DARS1: variants seen among roughly 807,000 people sequenced by gnomAD.
The protein encoded by DARS1 is aspartate--tRNA ligase, cytoplasmic.
Under a neutral mutation model 68.8 loss-of-function variants are expected in DARS1, and 51 were observed. The observed-to-expected ratio is 0.74, with a 90% CI of 0.59 to 0.94. DARS1 has a LOEUF of 0.94. DARS1 is among the 40% of genes least tolerant of loss of function. The pLI, the probability that DARS1 is intolerant of heterozygous loss-of-function variation, is 0.00. For missense variants in DARS1, 607 were observed against 597.3 expected, an observed-to-expected ratio of 1.02 and a Z score of -0.17; for synonymous variants, 203 against 190.4, an observed-to-expected ratio of 1.07 and a Z score of -0.55.
chr2:135,927,223 A>G (rs1250391985), intron 7 of DARS1, among the ~76,000 whole-genome samples: 1 of 152,246 alleles, frequency 6.6e-6, no homozygotes, highest in African/African-American at 2.4e-5. Context: ...GTAAGATTAC[A>G]GAATGTATAT....
At chr2:135,915,219 G>C (rs1680979446) in intron 11 of DARS1, among the ~76,000 whole-genome samples, 1 of 152,168 alleles carries the variant, frequency 6.6e-6, no homozygotes, top group South Asian at 2.1e-4. Context: ...TATTGTGATG[G>C]TTTAAAGGAA....
chr2:135,935,668 G>A (rs1681453513), intron 5 of DARS1, among the ~76,000 whole-genome samples: 1 of 152,108 alleles, frequency 6.6e-6, no homozygotes, highest in Non-Finnish European at 1.5e-5. Context: ...ACATTTTAGT[G>A]ATAAAAAGCA....
chr2:135,906,404 T>TAG lies in DARS1; in HGVS notation c.*911_*912insCT, dbSNP rs1436615328. Reference sequence around the variant, plus strand: ...AAGATGGGACTGGATTTTACTGACATTCACTAAGTATCAGTACCATTCCAG... The same window carrying TAG: ...AAGATGGGACTGGATTTTACTGACATAGTCACTAAGTATCAGTACCATTCCAG... On this transcript the variant is annotated 3_prime_UTR_variant, in exon 16 of 16. Transcript: ENST00000264161. 2.0e-5 allele frequency among the ~76,000 whole-genome samples: 3 copies of TAG among 152,234 alleles called. No homozygotes were observed. In the South Asian group the frequency reaches 6.2e-4, roughly 32 times the overall value.
intron 3 of DARS1, among the ~76,000 whole-genome samples, chr2:135,976,945 A>G (rs1179502937): frequency 6.6e-6 from 1 of 152,192 alleles, no homozygotes; most frequent in Non-Finnish European, 1.5e-5. Context: ...CAAGACCCAG[A>G]AGACAATGCT....
chr2:135,907,261 T>TTTTTTTTTTTTTTTGG lies in DARS1; in HGVS notation c.*54_*55insCCAAAAAAAAAAAAAA. 2.7e-5 allele frequency: 24 copies of TTTTTTTTTTTTTTTGG among 889,222 alleles called. No homozygotes were observed. Among genetic ancestry groups the TTTTTTTTTTTTTTTGG allele is most frequent in the East Asian group, 6.2e-5 (2 of 32,214 alleles). 55.1% of individuals were successfully genotyped at this position (889,222 alleles called of 1,614,324 possible). ...GGCTTTCTTTTTTTTTTTTTTTTTT[T>TTTTTTTTTTTTTTTGG]GAGGCAGGGTCTCGCTCTGTCATCC... On this transcript the variant is annotated 3_prime_UTR_variant, in exon 16 of 16. Transcript: ENST00000264161.
rs187076025 is a variant in DARS1, at chr2:135,923,872, C to T, written c.676+515G>A. Among the ~76,000 whole-genome samples, 41 of 152,122 alleles carry T rather than the reference C, an allele frequency of 2.7e-4. No individual in the cohort carries two copies. The East Asian group carries it at 6.8e-3, about 25-fold the overall frequency. On this transcript the variant is annotated intron_variant, in intron 8 of 15. Transcript: ENST00000264161. ...GTATCTACTAAACATACAAAATTGG[C>T]TCGGCGTGGTGGTGCATGCTTGTAA...
intron 4 of DARS1, among the ~76,000 whole-genome samples, chr2:135,953,192 T>C (rs1681881661): frequency 2.1e-5 from 3 of 145,124 alleles, no homozygotes; most frequent in African/African-American, 7.6e-5. Flanking sequence ...AGGACACCCA[T>C]ACCTAAATGT....
chr2:135,959,960 A>G (rs1160739907), intron 4 of DARS1, among the ~76,000 whole-genome samples: 1 of 152,186 alleles, frequency 6.6e-6, no homozygotes, highest in African/African-American at 2.4e-5. Context: ...AATAGAATTT[A>G]GCATCTATGT....
At chr2:135,945,177 G>T (rs773028655) in intron 4 of DARS1, among the ~76,000 whole-genome samples, 2 of 151,898 alleles carry the variant, frequency 1.3e-5, no homozygotes, top group Non-Finnish European at 2.9e-5. Context: ...ACCTAGGCTG[G>T]AGTGCAGTGG....
intron 4 of DARS1, among the ~76,000 whole-genome samples, chr2:135,948,972 A>T (rs907066153): frequency 3.3e-5 from 5 of 152,186 alleles, no homozygotes; most frequent in African/African-American, 1.2e-4. Context: ...AAGGAAAGAA[A>T]ATAAACAAAC....
At chr2:135,951,419 T>C (rs1268923387) in intron 4 of DARS1, among the ~76,000 whole-genome samples, 1 of 152,218 alleles carries the variant, frequency 6.6e-6, no homozygotes, top group African/African-American at 2.4e-5. Flanking sequence ...TAATTCATTA[T>C]TTTCCTTACC....
chr2:135,971,026 A>G (rs1682357169), intron 3 of DARS1, among the ~76,000 whole-genome samples: 1 of 152,174 alleles, frequency 6.6e-6, no homozygotes. Context: ...CATTTAAAGG[A>G]CTCACACCAA....
rs112319042 is a variant in DARS1, at chr2:135,961,396, T to G, written c.320A>C (p.Asn107Thr). 7.8e-7 allele frequency: 1 copy of G among 1,289,092 alleles called. No individual in the cohort carries two copies. Among genetic ancestry groups the G allele is most frequent in the Non-Finnish European group, 1.1e-6 (1 of 882,660 alleles). 79.9% of individuals were successfully genotyped at this position (1,289,092 alleles called of 1,614,324 possible). The change falls in exon 4 of 16, where the codon AAC becomes ACC. Residue 107 changes from asparagine to threonine, a missense_variant and splice_region_variant. Coordinates refer to ENST00000264161, the MANE Select transcript of DARS1 (RefSeq NM_001349.4). ...CAACAGGATATAATTGCTTACTTACTTGGCAGCAAATTTAACCATCTGCTT... is the reference window on the plus strand; with the variant it reads ...CAACAGGATATAATTGCTTACTTACGTGGCAGCAAATTTAACCATCTGCTT... The part of the protein sequence containing the change: ...ASKQMVKFAA[N>T]INKESIVDVE...
chr2:135,909,399 G>A (rs1680852072), intron 15 of DARS1, among the ~76,000 whole-genome samples: 2 of 152,168 alleles, frequency 1.3e-5, no homozygotes, highest in Admixed American at 6.5e-5. Context: ...TATTTACAGT[G>A]TATGATGTGA....
intron 7 of DARS1, among the ~76,000 whole-genome samples, chr2:135,925,181 T>A (rs1681187467): frequency 1.3e-5 from 2 of 152,196 alleles, no homozygotes; most frequent in Admixed American, 1.3e-4. Flanking sequence ...TCAGTTGTGA[T>A]GGTGACCAGA....
At chr2:135,969,161 G>A (rs1682307505) in intron 3 of DARS1, among the ~76,000 whole-genome samples, 1 of 152,054 alleles carries the variant, frequency 6.6e-6, no homozygotes, top group African/African-American at 2.4e-5. Flanking sequence ...CCATCTTGGA[G>A]AAATACTACC....
intron 4 of DARS1, among the ~76,000 whole-genome samples, chr2:135,961,052 G>C (rs1443980755): frequency 6.6e-6 from 1 of 152,026 alleles, no homozygotes; most frequent in African/African-American, 2.4e-5. Context: ...TCAAACTGGG[G>C]GAGGGAGGGA....
intron 8 of DARS1, among the ~76,000 whole-genome samples, chr2:135,923,447 G>A (rs928553533): frequency 4.0e-5 from 6 of 151,876 alleles, no homozygotes; most frequent in Admixed American, 1.3e-4. Flanking sequence ...CAACCACCGC[G>A]CCCGGCTAGT....
chr2:135,970,278 AGCCCATTAAGCATCT>A lies in DARS1; in HGVS notation c.218-8795_218-8781del, dbSNP rs1682339739. Among the ~76,000 whole-genome samples, 11 of 148,744 alleles carry A rather than the reference AGCCCATTAAGCATCT, an allele frequency of 7.4e-5. No homozygotes were observed. In the South Asian group the frequency reaches 2.3e-3, roughly 32 times the overall value. On this transcript the variant is annotated intron_variant, in intron 3 of 15. Coordinates refer to ENST00000264161, the MANE Select transcript of DARS1 (RefSeq NM_001349.4). The stretch of plus-strand genomic sequence containing the variant: ...AAAAAAAAAAAAAAAAAAAAAAAAG[AGCCCATTAAGCATCT>A]TCTTGGACCACAACAGAATAACACT...
Sources: allele counts gnomAD v4.1 joint callset (sites outside exome capture counted in the v4.1 genomes callset), GRCh38; gene constraint gnomAD v4.1.1; transcripts MANE v1.5; gene names NCBI Gene and HGNC (gene_info 2026-07-23, HGNC 2026-07-21).